Variants in PRMT8 observed in about 807,000 individuals in gnomAD.
PRMT8 encodes protein arginine N-methyltransferase 8.
Under a neutral mutation model 47.1 loss-of-function variants are expected in PRMT8, and 7 were observed. The ratio of observed to expected loss-of-function variants is 0.15; its 90% CI spans 0.08 to 0.28. PRMT8 has a LOEUF of 0.28. Ranked by LOEUF, PRMT8 falls within the 10% of genes least tolerant of loss-of-function variation. The pLI, the probability that PRMT8 is intolerant of heterozygous loss-of-function variation, is 1.00. For missense variants in PRMT8, 237 were observed against 505.4 expected (o/e 0.47, Z 5.09); for synonymous variants, 188 against 186.5 (o/e 1.01, Z -0.07).
chr12:3,553,504 G>A lies in PRMT8; in HGVS notation c.418-147G>A, dbSNP rs1317053626. 3.0e-5 allele frequency: 21 copies of A among 702,998 alleles called. No individual in the cohort carries two copies. The Middle Eastern group carries it at 2.0e-3, about 66-fold the overall frequency. The allele number at this position is 702,998 out of a possible 1,614,324, so 43.5% of individuals were successfully genotyped here. ...CCTTGAGGTGGGGGGGCTGGGTTTC[G>A]GTTTTCAGTCTGCCACAAAGTTGTG... On this transcript the variant is annotated intron_variant, in intron 3 of 9. Coordinates refer to ENST00000382622, the MANE Select transcript of PRMT8 (RefSeq NM_019854.5).
At chr12:3,484,352 C>T (rs1865302772) in intron 1 of PRMT8, among the ~76,000 whole-genome samples, 1 of 152,198 alleles carries the variant, frequency 6.6e-6, no homozygotes, top group African/African-American at 2.4e-5. Context: ...GAAACAGGCC[C>T]AGAAAAGTTA....
chr12:3,583,401 T>C lies in PRMT8; in HGVS notation c.979+193T>C, dbSNP rs142463816. 8.8e-4 allele frequency among the ~76,000 whole-genome samples: 134 copies of C among 152,182 alleles called. No homozygotes were observed. The highest frequency in any genetic ancestry group is 3.1e-3 in the African/African-American group (128 of 41,536). ...TGCTGTCCAAGGAGAAGGTAAATAATGTTGTGGTTGTTACAGCACAAGTTG... is the reference window on the plus strand; with the variant it reads ...TGCTGTCCAAGGAGAAGGTAAATAACGTTGTGGTTGTTACAGCACAAGTTG... On this transcript the variant is annotated intron_variant, in intron 8 of 9. Coordinates refer to ENST00000382622, the MANE Select transcript of PRMT8 (RefSeq NM_019854.5). The surrounding 1 kb of genome is among the most constrained non-coding windows in gnomAD (Gnocchi z 4.7).
chr12:3,548,208 A>C (rs1214213721), intron 2 of PRMT8, among the ~76,000 whole-genome samples: 1 of 152,230 alleles, frequency 6.6e-6, no homozygotes, highest in African/African-American at 2.4e-5. Context: ...TTAATTTGAC[A>C]TGTAAAAGCC....
intron 1 of PRMT8, among the ~76,000 whole-genome samples, chr12:3,466,589 C>A (rs1011811435): frequency 3.9e-5 from 6 of 152,138 alleles, no homozygotes; most frequent in Non-Finnish European, 7.3e-5. Flanking sequence ...GACATTATCA[C>A]TATCAGGCTA....
intron 7 of PRMT8, among the ~76,000 whole-genome samples, chr12:3,578,109 T>G (rs758372327): frequency 1.3e-5 from 2 of 152,192 alleles, no homozygotes; most frequent in Non-Finnish European, 2.9e-5. Flanking sequence ...TTCATATAAT[T>G]CAAGCCAAAA....
chr12:3,550,397 AGGT>A lies in PRMT8; in HGVS notation c.417+310_417+312del, dbSNP rs1233608950. 9.5e-6 allele frequency: 3 copies of A among 317,334 alleles called. No homozygotes were observed. Among genetic ancestry groups the A allele is most frequent in the African/African-American group, 6.1e-5 (3 of 48,920 alleles). The allele number at this position is 317,334 out of a possible 1,614,324, so 19.7% of individuals were successfully genotyped here. ...CCAAGGTCAGCTTCAGAGGCAGTGCAGGTGGTTACTCGGGGGAGCTCTGGTTTG... is the reference window on the plus strand; with the variant it reads ...CCAAGGTCAGCTTCAGAGGCAGTGCAGGTTACTCGGGGGAGCTCTGGTTTG... On this transcript the variant is annotated intron_variant, in intron 3 of 9. Transcript: ENST00000382622. This position sits in a 1 kb window ranked among gnomAD's most constrained non-coding sequence, Gnocchi z 5.1.
At chr12:3,574,404 T>C (rs1445248130) in intron 6 of PRMT8, among the ~76,000 whole-genome samples, 1 of 152,278 alleles carries the variant, frequency 6.6e-6, no homozygotes. Flanking sequence ...ATTCAGTAGG[T>C]CTGGCGTGGG....
At chr12:3,441,731 G>A (rs369504355) in intron 1 of PRMT8, among the ~76,000 whole-genome samples, 2 of 152,232 alleles carry the variant, frequency 1.3e-5, no homozygotes, top group African/African-American at 2.4e-5. Context: ...TGTGGATGTC[G>A]AATATTCGTG....
intron 1 of PRMT8, among the ~76,000 whole-genome samples, chr12:3,457,866 TAAGACAGCG>T (rs1864993121): frequency 3.7e-5 from 3 of 81,400 alleles, no homozygotes; most frequent in African/African-American, 5.8e-5. Context: ...TTTTTTTTTT[TAAGACAGCG>T]TTCTGTTGCC....
At chr12:3,414,570 C>T (rs1488062732) in intron 1 of PRMT8, among the ~76,000 whole-genome samples, 1 of 152,188 alleles carries the variant, frequency 6.6e-6, no homozygotes, top group African/African-American at 2.4e-5. Flanking sequence ...GGAGCAGGCT[C>T]TGTTGAGGCC....
intron 1 of PRMT8, among the ~76,000 whole-genome samples, chr12:3,513,994 T>G (rs1865749702): frequency 6.6e-6 from 1 of 152,150 alleles, no homozygotes; most frequent in South Asian, 2.1e-4. Flanking sequence ...GAATCCTTCT[T>G]GAGCCCCCGG....
At chr12:3,387,040 T>C (rs1053918694) in intron 1 of PRMT8, among the ~76,000 whole-genome samples, 2 of 152,158 alleles carry the variant, frequency 1.3e-5, no homozygotes, top group African/African-American at 4.8e-5. Context: ...TTTCCTCCAA[T>C]AGGCTATGAG....
intron 1 of PRMT8, among the ~76,000 whole-genome samples, chr12:3,386,723 C>T (rs10774141): frequency 0.9 from 135,983 of 150,480 alleles, 62,325 homozygotes; most frequent in South Asian, 0.98. Flanking sequence ...TTCTTTCTTT[C>T]TTTTTTTATG....
At chr12:3,555,425 G>A (rs959743792) in intron 4 of PRMT8, among the ~76,000 whole-genome samples, 1 of 152,188 alleles carries the variant, frequency 6.6e-6, no homozygotes, top group African/African-American at 2.4e-5. Context: ...CCTCTGGGAT[G>A]GACTGAGCTT....
chr12:3,567,716 T>G (rs1252027629), intron 4 of PRMT8, among the ~76,000 whole-genome samples: 3 of 152,242 alleles, frequency 2.0e-5, no homozygotes, highest in African/African-American at 4.8e-5. Context: ...AATTTTTGAC[T>G]CCCACAAAAG....
intron 6 of PRMT8, among the ~76,000 whole-genome samples, chr12:3,573,378 T>G (rs1866884403): frequency 6.6e-6 from 1 of 152,276 alleles, no homozygotes; most frequent in Non-Finnish European, 1.5e-5. Flanking sequence ...CATTCATTGA[T>G]GCACACTGTC....
intron 1 of PRMT8, among the ~76,000 whole-genome samples, chr12:3,397,975 C>G (rs966079102): frequency 2.0e-5 from 3 of 152,156 alleles, no homozygotes; most frequent in Non-Finnish European, 4.4e-5. Context: ...CCTGATTTTC[C>G]AGGTGCCGTC....
At chr12:3,533,764 T>A (rs1308092287) in intron 1 of PRMT8, among the ~76,000 whole-genome samples, 3 of 152,274 alleles carry the variant, frequency 2.0e-5, no homozygotes, top group Non-Finnish European at 4.4e-5. Context: ...GCTGTACTTT[T>A]GCTTTCTTAG....
At position 3,538,635 on chromosome 12, in the gene PRMT8, C is replaced by T. The variant is rs1388313415; in HGVS notation, c.76-1971C>T. 5.8e-6 allele frequency: 3 copies of T among 518,864 alleles called. No individual in the cohort carries two copies. The highest frequency in any genetic ancestry group is 5.8e-5 in the African/African-American group (3 of 51,932). 32.1% of individuals were successfully genotyped at this position (518,864 alleles called of 1,614,324 possible). On this transcript the variant is annotated intron_variant, in intron 1 of 9. Transcript: ENST00000382622. This position sits in a 1 kb window ranked among gnomAD's most constrained non-coding sequence, Gnocchi z 4.6. ...TGCCCAGACCAGCTCCGACTTTTTC[C>T]TCTCCTTCACATATTTAAATGGAGT...
Sources: gnomAD v4.1 joint callset for allele counts (sites outside exome capture counted in the v4.1 genomes callset) on GRCh38, gnomAD v4.1.1 for gene constraint, Gnocchi (gnomAD v3.1) non-coding constraint, MANE v1.5 for transcripts, NCBI Gene and HGNC (gene_info 2026-07-23, HGNC 2026-07-21) for gene names.